Variants in NAXE observed in about 807,000 individuals in gnomAD.
NAXE encodes NAD(P)H-hydrate epimerase.
In NAXE, 25 loss-of-function variants were observed where a neutral mutation model predicts 31.2. That is an observed-to-expected ratio of 0.80 (90% CI 0.58 to 1.12). The LOEUF is 1.12. Ranked by LOEUF, NAXE falls within the 50% of genes most tolerant of loss-of-function variation. NAXE has a pLI of 0.00. For synonymous variants in NAXE, 144 were observed against 154.5 expected (o/e 0.93, Z 0.50); for missense variants, 362 against 376.1 (o/e 0.96, Z 0.31).
At position 156,592,004 on chromosome 1, in the gene NAXE, G is replaced by A; in HGVS notation, c.182+18G>A. The A allele has an allele frequency of 4.3e-6, 7 of 1,613,546 alleles. No individual in the cohort carries two copies. Among genetic ancestry groups the A allele is most frequent in the Non-Finnish European group, 5.9e-6 (7 of 1,179,772 alleles). ...TACCTGAGGTAGGCACGGGTCTCGG[G>A]TGGCCTGCTCTGCCCCGGGGCGGGG... is the stretch of plus-strand genomic sequence containing the variant. On this transcript the variant is annotated intron_variant, in intron 1 of 5. Coordinates refer to ENST00000368235, the MANE Select transcript of NAXE (RefSeq NM_144772.3).
chr1:156,592,511 C>T (rs764169618), intron 3 of NAXE, 36 bp downstream of exon 3: 26 of 1,612,682 alleles, frequency 1.6e-5, no homozygotes, highest in South Asian at 2.2e-5. Context: ...GGGAGGAGGG[C>T]GTGAGGGCTC....
At chr1:156,593,238 GC>G in intron 4 of NAXE, 169 bp from the exon 5 acceptor site, 3 of 842,426 alleles carry the variant, frequency 3.6e-6, no homozygotes, top group Non-Finnish European at 5.2e-6. Flanking sequence ...TCTCAATTTG[GC>G]CTGAATCAGT....
chr1:156,591,879 G>C lies in NAXE; in HGVS notation c.75G>C (p.Gln25His). ...CGCGCGTGCCGCGGATCAAAAGCCAGACCATCGCCTGTCGCTCGGGACCCA... is the reference window on the plus strand; with the variant it reads ...CGCGCGTGCCGCGGATCAAAAGCCACACCATCGCCTGTCGCTCGGGACCCA... ...AGSRVPRIKS[Q>H]TIACRSGPTW... The change falls in exon 1 of 6, where the codon CAG becomes CAC. Residue 25 changes from glutamine (Q) to histidine (H), a missense_variant. Gln to His is a conservative substitution (Grantham distance 24). Coordinates refer to ENST00000368235, the MANE Select transcript of NAXE (RefSeq NM_144772.3). The C allele has an allele frequency of 6.2e-7, 1 of 1,612,408 alleles. No individual in the cohort carries two copies. The highest frequency in any genetic ancestry group is 8.5e-7 in the Non-Finnish European group (1 of 1,179,700).
chr1:156,593,729 G>A (rs1254238990), intron 5 of NAXE, 153 bp from the exon 6 acceptor site: 2 of 1,319,390 alleles, frequency 1.5e-6, no homozygotes, highest in Non-Finnish European at 2.1e-6. Flanking sequence ...GCCCCATGAA[G>A]AGACCACGGC....
At position 156,592,687 on chromosome 1, in the gene NAXE, G is replaced by T. The variant is rs2102490002; in HGVS notation, c.516+17G>T. 6.3e-7 allele frequency: 1 copy of T among 1,588,404 alleles called. No individual in the cohort carries two copies. The highest frequency in any genetic ancestry group is 1.1e-5 in the South Asian group (1 of 90,014). On this transcript the variant is annotated intron_variant, in intron 4 of 5. Coordinates refer to ENST00000368235, the MANE Select transcript of NAXE (RefSeq NM_144772.3). ...CCCGCAGAGGTAGGTGGCTCCAGTT[G>T]AATACCTCCATCCTACAGTAACCAC...
chr1:156,592,577 T>C lies in NAXE; in HGVS notation c.423T>C (p.Tyr141=). 6.2e-7 allele frequency: 1 copy of C among 1,614,104 alleles called. No individual in the cohort carries two copies. Among genetic ancestry groups the C allele is most frequent in the Non-Finnish European group, 8.5e-7 (1 of 1,180,004 alleles). Residue 141 remains tyrosine, a synonymous_variant, in exon 4 of 6, where the codon TAT becomes TAC. Coordinates refer to ENST00000368235, the MANE Select transcript of NAXE (RefSeq NM_144772.3). ...CCTAGGGCTACGAGCCAACCATCTATTACCCCAAAAGGCCTAACAAGCCCC... is the reference window on the plus strand; with the variant it reads ...CCTAGGGCTACGAGCCAACCATCTACTACCCCAAAAGGCCTAACAAGCCCC... The part of the protein sequence containing the change: ...LKLFGYEPTI[Y]YPKRPNKPLF...
chr1:156,591,780 C>CGGGCT lies in NAXE; in HGVS notation c.-22_-21insCTGGG, dbSNP rs1489225877. The CGGGCT allele has an allele frequency of 9.4e-6, 14 of 1,486,448 alleles. No individual in the cohort carries two copies. The highest frequency in any genetic ancestry group is 1.3e-5 in the South Asian group (1 of 78,338). The allele number at this position is 1,486,448 out of a possible 1,614,324, so 92.1% of individuals were successfully genotyped here. On this transcript the variant is annotated 5_prime_UTR_variant, in exon 1 of 6. Transcript: ENST00000368235. ...CACATGCGCCGGGGCCGGGCCGGGC[C>CGGGCT]GGGGGCGCGCGCTCTGCGAGCTGGA...
At position 156,592,644 on chromosome 1, in the gene NAXE, C is replaced by A. The variant is rs146047358; in HGVS notation, c.490C>A (p.Pro164Thr). ...GACCCAGTGTCAGAAAATGGACATCCCTTTCCTTGGGGAAATGCCCGCAGA... is the reference window on the plus strand; with the variant it reads ...GACCCAGTGTCAGAAAATGGACATCACTTTCCTTGGGGAAATGCCCGCAGA... ...LVTQCQKMDI[P>T]FLGEMPAEPM... The change falls in exon 4 of 6, where the codon CCT becomes ACT. Residue 164 changes from proline (P) to threonine (T), a missense_variant. Physicochemically the swap from Pro to Thr is conservative, Grantham distance 38 (BLOSUM62 -1). Coordinates refer to ENST00000368235, the MANE Select transcript of NAXE (RefSeq NM_144772.3). 5.8e-5 allele frequency: 93 copies of A among 1,614,114 alleles called. 1 individual carries two copies. The highest frequency in any genetic ancestry group is 5.7e-4 in the South Asian group (52 of 91,070).
At chr1:156,592,331 A>T in intron 2 of NAXE, 34 bp from the exon 3 acceptor site, 1 of 1,610,176 alleles carries the variant, frequency 6.2e-7, no homozygotes, top group Non-Finnish European at 8.5e-7. Context: ...TACCGCCTGA[A>T]ACCCCGCCGA....
In NAXE at chr1:156,592,152, C is replaced by T. The variant is rs1677345421; in HGVS notation, c.234C>T (p.Phe78=). 2 of 1,614,240 alleles carry T rather than the reference C, an allele frequency of 1.2e-6. No homozygotes were observed. The highest frequency in any genetic ancestry group is 1.7e-6 in the Non-Finnish European group (2 of 1,180,042). Residue 78 remains phenylalanine (F), a synonymous_variant, in exon 2 of 6, where the codon TTC becomes TTT. Coordinates refer to ENST00000368235, the MANE Select transcript of NAXE (RefSeq NM_144772.3). ...AGGAGCTATTTAACGAATACCAGTTCAGCGTGGACCAACTTATGGAACTGG... is the reference window on the plus strand; with the variant it reads ...AGGAGCTATTTAACGAATACCAGTTTAGCGTGGACCAACTTATGGAACTGG... The part of the protein sequence containing the change: ...VDQELFNEYQ[F]SVDQLMELAG...
Position 156,591,891 on chromosome 1 carries a change from T to C in NAXE, c.87T>C (p.Cys29=). 1.2e-6 allele frequency: 2 copies of C among 1,612,550 alleles called. No homozygotes were observed. Among genetic ancestry groups the C allele is most frequent in the Non-Finnish European group, 1.7e-6 (2 of 1,179,722 alleles). ...VPRIKSQTIA[C]RSGPTWWGPQ... ...GGATCAAAAGCCAGACCATCGCCTG[T>C]CGCTCGGGACCCACCTGGTGGGGAC... The change falls in exon 1 of 6, where the codon TGT becomes TGC. Residue 29 remains cysteine, a synonymous_variant. Coordinates refer to ENST00000368235, the MANE Select transcript of NAXE (RefSeq NM_144772.3).
rs1677420341 is a variant in NAXE at position 156,594,011 on chromosome 1, C to G, written c.794C>G (p.Pro265Arg). Residue 265 changes from proline to arginine, a missense_variant, in exon 6 of 6, where the codon CCT (proline) becomes CGT (arginine). Pro to Arg is a moderately radical substitution (Grantham distance 103, BLOSUM62 -2). Coordinates refer to ENST00000368235, the MANE Select transcript of NAXE (RefSeq NM_144772.3). ...TACCTGGGGGGTCGTTTTGTGCCACCTGCTCTGGAGAAGAAGTACCAGCTG... is the reference window on the plus strand; with the variant it reads ...TACCTGGGGGGTCGTTTTGTGCCACGTGCTCTGGAGAAGAAGTACCAGCTG... ...YHYLGGRFVP[P>R]ALEKKYQLNL... 6.2e-7 allele frequency: 1 copy of G among 1,614,180 alleles called. No homozygotes were observed. Among genetic ancestry groups the G allele is most frequent in the Non-Finnish European group, 8.5e-7 (1 of 1,180,024 alleles).
Position 156,594,022 on chromosome 1 carries a change from AAG to A in NAXE, c.807_808del (p.Lys270ValfsTer10). 5 of 1,614,124 alleles carry A rather than the reference AAG, an allele frequency of 3.1e-6. No individual in the cohort carries two copies. The South Asian group carries it at 3.3e-5, about 11-fold the overall frequency. On this transcript the variant is annotated frameshift_variant, in exon 6 of 6. Transcript: ENST00000368235. LOFTEE classifies it high-confidence loss of function. Reference sequence around the variant, plus strand: ...TCGTTTTGTGCCACCTGCTCTGGAGAAGAAGTACCAGCTGAACCTGCCACCCT... The same window carrying A: ...TCGTTTTGTGCCACCTGCTCTGGAGAAAGTACCAGCTGAACCTGCCACCCT... The part of the protein sequence containing the change: ...GGRFVPPALE[K>X]KYQLNLPPYP...
At chr1:156,593,802 C>A in intron 5 of NAXE, 80 bp from the exon 6 acceptor site, 1 of 1,502,154 alleles carries the variant, frequency 6.7e-7, no homozygotes, top group Non-Finnish European at 9.1e-7. Flanking sequence ...GGACTTCCCA[C>A]TCCTCTGGGA....
Position 156,593,941 on chromosome 1 carries a change from ACAGC to A in NAXE, c.726_729del (p.Ala243ProfsTer30). 1 of 1,614,186 alleles carries A rather than the reference ACAGC, an allele frequency of 6.2e-7. No individual in the cohort carries two copies. Among genetic ancestry groups the A allele is most frequent in the East Asian group, 2.2e-5 (1 of 44,884 alleles). ...CCAGCCAGACTTGCTCATATCCCTC[ACAGC>A]CCCCAAAAAATCTGCAACCCAGTTT... On this transcript the variant is annotated frameshift_variant, in exon 6 of 6. Coordinates refer to ENST00000368235, the MANE Select transcript of NAXE (RefSeq NM_144772.3). LOFTEE classifies it high-confidence loss of function.
In NAXE at chr1:156,592,395, C is replaced by G. The variant is rs750382723; in HGVS notation, c.322C>G (p.Pro108Ala). ...TCCCCCCACGTCCATGTCCAGGAGC[C>G]CCCCTACTGTCCTGGTCATCTGTGG... The part of the protein sequence containing the change: ...AYPPTSMSRS[P>A]PTVLVICGPG... Residue 108 changes from proline (P) to alanine (A), a missense_variant, in exon 3 of 6, where the codon CCC becomes GCC. By Grantham distance (27) the Pro-to-Ala change is conservative. Coordinates refer to ENST00000368235, the MANE Select transcript of NAXE (RefSeq NM_144772.3). 6.2e-7 allele frequency: 1 copy of G among 1,614,166 alleles called. No individual in the cohort carries two copies. Among genetic ancestry groups the G allele is most frequent in the South Asian group, 1.1e-5 (1 of 91,084 alleles).
In NAXE at chr1:156,594,108, C is replaced by T. The variant is rs1677426762; in HGVS notation, c.*24C>T. ...GAGGGAAGGTGGGTGGGTATTCTTC[C>T]CAATAAAGACTTAGAGCCCCTCTCT... On this transcript the variant is annotated 3_prime_UTR_variant, in exon 6 of 6. Coordinates refer to ENST00000368235, the MANE Select transcript of NAXE (RefSeq NM_144772.3). The T allele has an allele frequency of 6.2e-7, 1 of 1,608,600 alleles. No individual in the cohort carries two copies. The highest frequency in any genetic ancestry group is 1.3e-5 in the African/African-American group (1 of 74,924).
Position 156,593,766 on chromosome 1 carries a change from G to A in NAXE, c.665-116G>A, listed in dbSNP as rs537344392. On this transcript the variant is annotated intron_variant, in intron 5 of 5. Transcript: ENST00000368235. ...CAAGGGTACGTGGAGCTCGTTGGAC[G>A]AGAGTTCCTCAGGTGGGAACTGAGG... The A allele has an allele frequency of 2.0e-5, 27 of 1,356,208 alleles. 1 individual carries two copies. Among genetic ancestry groups the A allele is most frequent in the South Asian group, 8.0e-5 (6 of 74,780 alleles). 84.0% of individuals were successfully genotyped at this position (1,356,208 alleles called of 1,614,324 possible).
In NAXE at chr1:156,593,435, C is replaced by A; in HGVS notation, c.544C>A (p.Leu182Met). 1 of 1,614,134 alleles carries A rather than the reference C, an allele frequency of 6.2e-7. No individual in the cohort carries two copies. Among genetic ancestry groups the A allele is most frequent in the South Asian group, 1.1e-5 (1 of 91,060 alleles). The change falls in exon 5 of 6, where the codon CTG becomes ATG. Residue 182 changes from leucine (L) to methionine (M), a missense_variant. Coordinates refer to ENST00000368235, the MANE Select transcript of NAXE (RefSeq NM_144772.3). ...CATGACGATTGATGAACTGTATGAG[C>A]TGGTGGTGGATGCCATCTTTGGCTT... ...EPMTIDELYE[L>M]VVDAIFGFSF...
Sources: gnomAD v4.1 joint callset for allele counts on GRCh38, gnomAD v4.1.1 for gene constraint, MANE v1.5 for transcripts, NCBI Gene and HGNC (gene_info 2026-07-23, HGNC 2026-07-21) for gene names.